The following KCNT2 variants were observed in gnomAD, a reference collection of about 807,000 sequenced individuals.
KCNT2 encodes the protein potassium channel subfamily T member 2.
Under a neutral mutation model 153.8 loss-of-function variants are expected in KCNT2, and 67 were observed. The observed-to-expected ratio is 0.44, with a 90% confidence interval of 0.36 to 0.53. The LOEUF (loss-of-function observed/expected upper bound fraction) is 0.53. KCNT2 is among the 20% of genes least tolerant of loss of function. The pLI, the probability that KCNT2 is intolerant of heterozygous loss-of-function variation, is 0.00. For missense variants in KCNT2, 975 were observed against 1,354.8 expected (o/e 0.72, Z 4.40); for synonymous variants, 500 against 458.8 (o/e 1.09, Z -1.15).
At chr1:196,496,095 A>T (rs1680228850) in intron 1 of KCNT2, among the ~76,000 whole-genome samples, 2 of 152,044 alleles carry the variant, frequency 1.3e-5, no homozygotes, top group Non-Finnish European at 2.9e-5. Flanking sequence ...TGCTAGACAG[A>T]CAGTTATGGA....
chr1:196,433,030 G>A (rs1436422388), intron 8 of KCNT2, among the ~76,000 whole-genome samples: 2 of 152,052 alleles, frequency 1.3e-5, no homozygotes, highest in Non-Finnish European at 2.9e-5. Flanking sequence ...GAGCACTCAT[G>A]AATAGAATTA....
chr1:196,429,074 G>T (rs552082168), intron 9 of KCNT2, among the ~76,000 whole-genome samples: 12 of 150,336 alleles, frequency 8.0e-5, no homozygotes, highest in Non-Finnish European at 1.2e-4. Flanking sequence ...CAACTCCTTG[G>T]CTCAAGCCAT....
At chr1:196,385,465 G>A (rs1055706467) in intron 13 of KCNT2, among the ~76,000 whole-genome samples, 11 of 151,926 alleles carry the variant, frequency 7.2e-5, no homozygotes, top group African/African-American at 2.4e-4. Context: ...ACGTCGTTAC[G>A]CAGCACATGA....
intron 14 of KCNT2, chr1:196,342,922 T>G (rs1371673101): frequency 1.3e-5 from 2 of 152,152 alleles, no homozygotes; most frequent in Non-Finnish European, 2.9e-5. Context: ...GTGTGGCCTT[T>G]GAGAGGCAAT....
At chr1:196,349,668 C>G (rs890326113) in intron 14 of KCNT2, among the ~76,000 whole-genome samples, 2 of 151,438 alleles carry the variant, frequency 1.3e-5, no homozygotes, top group African/African-American at 4.8e-5. Flanking sequence ...ATAGGTCAAA[C>G]CTTTTTATTT....
intron 22 of KCNT2, among the ~76,000 whole-genome samples, chr1:196,299,725 A>G (rs1661004978): frequency 1.3e-5 from 2 of 152,192 alleles, no homozygotes. Flanking sequence ...GAACTGCCAC[A>G]TGATCCAGTA....
At chr1:196,494,306 G>T (rs1680079000) in intron 1 of KCNT2, among the ~76,000 whole-genome samples, 1 of 152,170 alleles carries the variant, frequency 6.6e-6, no homozygotes, top group South Asian at 2.1e-4. Flanking sequence ...CAAAGGCCAT[G>T]CAGATTTGCT....
chr1:196,419,452 C>T (rs1466457446), intron 12 of KCNT2, among the ~76,000 whole-genome samples: 3 of 149,722 alleles, frequency 2.0e-5, no homozygotes, highest in Non-Finnish European at 3.0e-5. Flanking sequence ...TTTGTCCTTG[C>T]GATAGTTTGC....
intron 14 of KCNT2, among the ~76,000 whole-genome samples, chr1:196,361,594 G>T (rs1402755279): frequency 6.6e-6 from 1 of 152,042 alleles, no homozygotes; most frequent in Non-Finnish European, 1.5e-5. Context: ...AGAAGTTTAT[G>T]AGACCAGAAT....
intron 1 of KCNT2, among the ~76,000 whole-genome samples, chr1:196,509,803 G>A (rs970864948): frequency 1.3e-5 from 2 of 152,192 alleles, no homozygotes; most frequent in African/African-American, 4.8e-5. Context: ...TGATGAGAGT[G>A]TGCCACAAAC....
chr1:196,558,454 T>C (rs1658973171), intron 1 of KCNT2, among the ~76,000 whole-genome samples: 1 of 151,054 alleles, frequency 6.6e-6, no homozygotes, highest in African/African-American at 2.4e-5. Flanking sequence ...GTTTTTTACT[T>C]GTTTTTGTTT....
At chr1:196,343,634 A>G (rs958778439) in intron 14 of KCNT2, among the ~76,000 whole-genome samples, 2 of 152,140 alleles carry the variant, frequency 1.3e-5, no homozygotes, top group African/African-American at 4.8e-5. Context: ...AAAAATATCT[A>G]TATTTTCTAA....
intron 22 of KCNT2, among the ~76,000 whole-genome samples, chr1:196,299,597 A>G (rs536257305): frequency 6.6e-6 from 1 of 152,256 alleles, no homozygotes; most frequent in South Asian, 2.1e-4. Context: ...AAGACAAAAA[A>G]TAACAAATGC....
intron 22 of KCNT2, among the ~76,000 whole-genome samples, chr1:196,292,242 A>G (rs1660248042): frequency 6.6e-6 from 1 of 152,234 alleles, no homozygotes; most frequent in East Asian, 1.9e-4. Flanking sequence ...AAGGTCATGT[A>G]TAAAAAGCAT....
intron 26 of KCNT2, among the ~76,000 whole-genome samples, chr1:196,254,121 TC>T (rs1162964785): frequency 2.6e-5 from 4 of 151,460 alleles, no homozygotes; most frequent in Admixed American, 6.6e-5. Flanking sequence ...TATCATTAAC[TC>T]ATCAATTACC....
chr1:196,277,059 CCT>C (rs1313182796), intron 25 of KCNT2, among the ~76,000 whole-genome samples: 1 of 152,100 alleles, frequency 6.6e-6, no homozygotes, highest in Admixed American at 6.6e-5. Flanking sequence ...GTATGCATTT[CCT>C]CTTTCTTGAA....
chr1:196,288,941 A>G (rs997365688), intron 22 of KCNT2, among the ~76,000 whole-genome samples: 3 of 152,124 alleles, frequency 2.0e-5, no homozygotes, highest in African/African-American at 2.4e-5. Context: ...TACTAATTGT[A>G]TGATCTTTTA....
At chr1:196,439,013 A>C (rs1674980553) in intron 8 of KCNT2, among the ~76,000 whole-genome samples, 1 of 151,812 alleles carries the variant, frequency 6.6e-6, no homozygotes, top group Non-Finnish European at 1.5e-5. Context: ...TATTTTTTTA[A>C]AGTTTATGCA....
chr1:196,306,840 G>C (rs1207697367), intron 21 of KCNT2, among the ~76,000 whole-genome samples: 1 of 151,740 alleles, frequency 6.6e-6, no homozygotes, highest in Admixed American at 6.6e-5. Flanking sequence ...TTGAGAGCTA[G>C]GATATCATTG....
Sources: allele counts gnomAD v4.1 joint callset (sites outside exome capture counted in the v4.1 genomes callset), GRCh38; gene constraint gnomAD v4.1.1; transcripts MANE v1.5; gene names NCBI Gene and HGNC (gene_info 2026-07-23, HGNC 2026-07-21).